Variants in FOXP1 observed in about 807,000 individuals in gnomAD.
FOXP1 encodes the protein forkhead box P1, also known as forkhead box protein P1.
A neutral mutation model predicts 98.2 loss-of-function variants in FOXP1; 15 were observed. The observed-to-expected ratio is 0.15, with a 90% CI of 0.10 to 0.24. The LOEUF (loss-of-function observed/expected upper bound fraction) is 0.24. Among genes scored for constraint, FOXP1 ranks in the 10% least tolerant of loss-of-function variants. The probability of loss-of-function intolerance (pLI) is 1.00; values close to 1 mark genes in which losing one functional copy is unlikely to be tolerated. For missense variants in FOXP1, 633 were observed against 848.5 expected (o/e 0.75, Z 3.15); for synonymous variants, 371 against 314.5 (o/e 1.18, Z -1.90).
chr3:71,166,102 TA>T (rs1191818829), intron 6 of FOXP1, among the ~76,000 whole-genome samples: 1 of 152,192 alleles, frequency 6.6e-6, no homozygotes, highest in Non-Finnish European at 1.5e-5. Flanking sequence ...GAGAAACACT[TA>T]AGAAGACAGC....
intron 3 of FOXP1, among the ~76,000 whole-genome samples, chr3:71,405,727 T>C (rs1469317894): frequency 6.6e-6 from 1 of 151,902 alleles, no homozygotes; most frequent in Non-Finnish European, 1.5e-5. Context: ...TATTTATTTA[T>C]TTATTTATTT....
At chr3:71,080,208 T>A (rs1179178006) in intron 7 of FOXP1, among the ~76,000 whole-genome samples, 2 of 152,126 alleles carry the variant, frequency 1.3e-5, no homozygotes, top group African/African-American at 2.4e-5. Context: ...AACCTATAAA[T>A]CAAAAGTGTC....
rs59404230 is a variant in FOXP1, at chr3:71,232,877, C to CAAAAAAAAAAAAAAAAAAAAAAAAAAAAA, written c.-11-34486_-11-34485insTTTTTTTTTTTTTTTTTTTTTTTTTTTTT. ...CGTGCCACAGAGCAAAACTCTGTCTCAAAAAAAAAAAAAAAAAAAGCAAGA... is the reference window on the plus strand; with the variant it reads ...CGTGCCACAGAGCAAAACTCTGTCTCAAAAAAAAAAAAAAAAAAAAAAAAAAAAAAAAAAAAAAAAAAAAAAAAGCAAGA... On this transcript the variant is annotated intron_variant, in intron 5 of 20. Coordinates refer to ENST00000649528, the MANE Select transcript of FOXP1 (RefSeq NM_001349338.3). 1.4e-3 allele frequency among the ~76,000 whole-genome samples: 45 copies of CAAAAAAAAAAAAAAAAAAAAAAAAAAAAA among 31,416 alleles called. 8 individuals are homozygous for CAAAAAAAAAAAAAAAAAAAAAAAAAAAAA. Among genetic ancestry groups the CAAAAAAAAAAAAAAAAAAAAAAAAAAAAA allele is most frequent in the Non-Finnish European group, 1.8e-3 (30 of 16,964 alleles). The allele number at this position is 31,416 out of a possible 152,430, so 20.6% of individuals were successfully genotyped here.
At chr3:71,471,557 T>C (rs2089348293) in intron 3 of FOXP1, among the ~76,000 whole-genome samples, 1 of 152,178 alleles carries the variant, frequency 6.6e-6, no homozygotes, top group Non-Finnish European at 1.5e-5. Context: ...CTGCAGGGCC[T>C]TCCTTTTAGG....
At chr3:71,057,941 C>T (rs1014974098) in intron 7 of FOXP1, among the ~76,000 whole-genome samples, 2 of 152,164 alleles carry the variant, frequency 1.3e-5, no homozygotes, top group Non-Finnish European at 2.9e-5. Flanking sequence ...ATACACACTG[C>T]TGTGTAAATT....
At chr3:71,443,974 C>T (rs2086181367) in intron 3 of FOXP1, among the ~76,000 whole-genome samples, 1 of 152,204 alleles carries the variant, frequency 6.6e-6, no homozygotes, top group Non-Finnish European at 1.5e-5. Flanking sequence ...GCTTGGCACT[C>T]AGCCTCCTTC....
intron 5 of FOXP1, among the ~76,000 whole-genome samples, chr3:71,214,637 C>A (rs1431381134): frequency 1.3e-5 from 2 of 152,192 alleles, no homozygotes; most frequent in African/African-American, 4.8e-5. Context: ...TAGTCTTCTT[C>A]ACCTGTAAAC....
chr3:71,195,483 G>GT (rs1054571202), intron 6 of FOXP1, among the ~76,000 whole-genome samples: 1 of 152,124 alleles, frequency 6.6e-6, no homozygotes, highest in African/African-American at 2.4e-5. Context: ...TAATTAACTC[G>GT]TTTTTATACC....
chr3:71,367,343 T>C (rs536757296), intron 3 of FOXP1, among the ~76,000 whole-genome samples: 126 of 152,314 alleles, frequency 8.3e-4, no homozygotes, highest in African/African-American at 2.9e-3. Context: ...CTCTCTCACG[T>C]TGCATTCACT....
intron 3 of FOXP1, among the ~76,000 whole-genome samples, chr3:71,452,060 T>C (rs2087008043): frequency 6.6e-6 from 1 of 152,116 alleles, no homozygotes; most frequent in South Asian, 2.1e-4. Flanking sequence ...GTGACAAAAG[T>C]CAGCGCCAGG....
chr3:71,221,174 A>G (rs1390061876), intron 5 of FOXP1, among the ~76,000 whole-genome samples: 1 of 152,188 alleles, frequency 6.6e-6, no homozygotes, highest in Non-Finnish European at 1.5e-5. Context: ...CAGCTGCATT[A>G]GATTCTCATA....
At chr3:71,461,104 TA>T (rs1041273974) in intron 3 of FOXP1, among the ~76,000 whole-genome samples, 3 of 152,188 alleles carry the variant, frequency 2.0e-5, no homozygotes, top group Non-Finnish European at 2.9e-5. Context: ...TTGGGGAAGT[TA>T]AAAAGACTTT....
At chr3:70,991,759 T>C (rs1432397682) in intron 13 of FOXP1, among the ~76,000 whole-genome samples, 1 of 152,200 alleles carries the variant, frequency 6.6e-6, no homozygotes, top group East Asian at 1.9e-4. Flanking sequence ...TTCTGTTTTA[T>C]AATTGGGGAA....
At chr3:71,114,186 T>C (rs1370657407) in intron 6 of FOXP1, among the ~76,000 whole-genome samples, 2 of 152,110 alleles carry the variant, frequency 1.3e-5, no homozygotes, top group Admixed American at 6.5e-5. Context: ...CTTATGACGG[T>C]AGTGTGTTCC....
At chr3:71,352,771 A>AT (rs966059314) in intron 4 of FOXP1, among the ~76,000 whole-genome samples, 8 of 152,226 alleles carry the variant, frequency 5.3e-5, no homozygotes, top group African/African-American at 1.9e-4. Context: ...GTTTATTGAG[A>AT]TTTTTTAGGG....
chr3:71,303,612 G>T (rs894345352), intron 4 of FOXP1, among the ~76,000 whole-genome samples: 1 of 152,106 alleles, frequency 6.6e-6, no homozygotes, highest in South Asian at 2.1e-4. Flanking sequence ...ACATATATTT[G>T]ACTATTGAAA....
chr3:71,384,228 A>G (rs1448977291), intron 3 of FOXP1, among the ~76,000 whole-genome samples: 1 of 152,132 alleles, frequency 6.6e-6, no homozygotes, highest in Non-Finnish European at 1.5e-5. Flanking sequence ...AAACAAACAA[A>G]CAAACAAACA....
chr3:71,398,007 T>G (rs895582177), intron 3 of FOXP1, among the ~76,000 whole-genome samples: 2 of 152,106 alleles, frequency 1.3e-5, no homozygotes, highest in African/African-American at 2.4e-5. Context: ...ACCAGAAAGA[T>G]CACTACCTTC....
intron 5 of FOXP1, among the ~76,000 whole-genome samples, chr3:71,277,953 T>C (rs1221527528): frequency 6.6e-6 from 1 of 152,082 alleles, no homozygotes; most frequent in Non-Finnish European, 1.5e-5. Context: ...AAGAATGCTG[T>C]GGCTGGCACG....
Sources: gnomAD v4.1 joint callset for allele counts (sites outside exome capture counted in the v4.1 genomes callset) on GRCh38, gnomAD v4.1.1 for gene constraint, MANE v1.5 for transcripts, NCBI Gene and HGNC (gene_info 2026-07-23, HGNC 2026-07-21) for gene names.